RBFOX1: variants seen among roughly 807,000 people sequenced by gnomAD.
RBFOX1 encodes the protein RNA binding protein fox-1 homolog 1.
RBFOX1 carries 8 observed loss-of-function variants against 57.7 expected under a neutral mutation model. The ratio of observed to expected loss-of-function variants is 0.14; its 90% confidence interval spans 0.08 to 0.25. The LOEUF (loss-of-function observed/expected upper bound fraction) is 0.25, where lower values mean the gene tolerates loss of function less well. Among genes scored for constraint, RBFOX1 ranks in the 10% least tolerant of loss-of-function variants. The pLI is 1.00. For missense variants in RBFOX1, 611 were observed against 548.5 expected (o/e 1.11, Z -1.14); for synonymous variants, 326 against 222.4 (o/e 1.47, Z -4.15).
At chr16:7,119,769 G>A (rs569157457) in intron 4 of RBFOX1, among the ~76,000 whole-genome samples, 64 of 152,168 alleles carry the variant, frequency 4.2e-4, no homozygotes, top group African/African-American at 1.5e-3. Context: ...CATAAGTGAA[G>A]TCTGTCTCAC....
chr16:5,337,969 A>C (rs1664139457), intron 1 of RBFOX1, among the ~76,000 whole-genome samples: 1 of 152,188 alleles, frequency 6.6e-6, no homozygotes, highest in East Asian at 1.9e-4. Flanking sequence ...GCTTGAGCCC[A>C]GGAGATTGAG....
chr16:5,408,251 A>G (rs1276747005), intron 1 of RBFOX1, among the ~76,000 whole-genome samples: 2 of 152,224 alleles, frequency 1.3e-5, no homozygotes, highest in Non-Finnish European at 2.9e-5. Context: ...GAAAGGGGCC[A>G]TACAGAGACC....
intron 1 of RBFOX1, among the ~76,000 whole-genome samples, chr16:5,347,205 T>G (rs2065159088): frequency 6.6e-6 from 1 of 152,210 alleles, no homozygotes; most frequent in African/African-American, 2.4e-5. Flanking sequence ...TATGTTTTCC[T>G]TATTTATTAT....
chr16:6,550,481 A>G (rs2096969910), intron 2 of RBFOX1, among the ~76,000 whole-genome samples: 1 of 151,912 alleles, frequency 6.6e-6, no homozygotes, highest in Non-Finnish European at 1.5e-5. Flanking sequence ...GTCTGCCACC[A>G]TGCCCACCTA....
intron 3 of RBFOX1, among the ~76,000 whole-genome samples, chr16:6,732,950 A>T (rs1191492788): frequency 6.6e-6 from 1 of 152,164 alleles, no homozygotes; most frequent in African/African-American, 2.4e-5. Flanking sequence ...ATAAAGTAAG[A>T]GCTACTTTTA....
At chr16:7,707,208 A>C (rs2082740433) in intron 14 of RBFOX1, among the ~76,000 whole-genome samples, 1 of 152,152 alleles carries the variant, frequency 6.6e-6, no homozygotes, top group Non-Finnish European at 1.5e-5. Context: ...TGAGAGTTGG[A>C]AGATGCCCAG....
At chr16:6,193,392 C>CATTATATATATATACTA (rs1555545384) in intron 1 of RBFOX1, among the ~76,000 whole-genome samples, 43 of 43,196 alleles carry the variant, frequency 1.0e-3, no homozygotes, top group Non-Finnish European at 1.5e-3. Context: ...TATATATATA[C>CATTATATATATATACTA]TATATATATA....
intron 4 of RBFOX1, among the ~76,000 whole-genome samples, chr16:7,204,018 TTAAC>T (rs1275567420): frequency 4.6e-5 from 7 of 152,256 alleles, no homozygotes; most frequent in African/African-American, 1.4e-4. Context: ...GTCGCAATCT[TTAAC>T]TAACATTTCG....
At chr16:6,574,776 C>T (rs868440990) in intron 2 of RBFOX1, among the ~76,000 whole-genome samples, 2 of 147,650 alleles carry the variant, frequency 1.4e-5, no homozygotes, top group East Asian at 2.2e-4. Context: ...TGGTGGCTCA[C>T]GCCTGTAATC....
At chr16:6,709,613 A>G (rs1242541416) in intron 3 of RBFOX1, among the ~76,000 whole-genome samples, 4 of 152,172 alleles carry the variant, frequency 2.6e-5, no homozygotes, top group African/African-American at 9.7e-5. Flanking sequence ...AATCTCCCAT[A>G]AGATTGCTCC....
intron 2 of RBFOX1, among the ~76,000 whole-genome samples, chr16:6,373,535 A>G (rs113982550): frequency 3.2e-4 from 48 of 148,518 alleles, no homozygotes; most frequent in African/African-American, 9.2e-4. Context: ...AGGATAGTTC[A>G]TTGGGATCAC....
intron 4 of RBFOX1, among the ~76,000 whole-genome samples, chr16:5,909,797 A>T (rs1194491917): frequency 6.6e-6 from 1 of 152,152 alleles, no homozygotes; most frequent in Non-Finnish European, 1.5e-5. Context: ...CAGGCCTGTA[A>T]TCTCAGCACT....
chr16:5,980,372 G>A (rs566053761), intron 4 of RBFOX1, among the ~76,000 whole-genome samples: 8 of 152,264 alleles, frequency 5.3e-5, no homozygotes, highest in Middle Eastern at 3.4e-3. Context: ...ACTGGTTGTG[G>A]TGAGTTCCGG....
intron 3 of RBFOX1, among the ~76,000 whole-genome samples, chr16:6,763,888 A>T (rs2076971763): frequency 6.6e-6 from 1 of 152,148 alleles, no homozygotes; most frequent in Admixed American, 6.5e-5. Flanking sequence ...GTGCTTGCTT[A>T]TGTTCAGGAA....
At chr16:5,903,739 C>G (rs1356196041) in intron 4 of RBFOX1, among the ~76,000 whole-genome samples, 9 of 152,092 alleles carry the variant, frequency 5.9e-5, no homozygotes, top group African/African-American at 2.2e-4. Flanking sequence ...CTCCTCCCAC[C>G]CCACAAACAC....
chr16:7,190,477 A>G (rs2085098957), intron 4 of RBFOX1, among the ~76,000 whole-genome samples: 1 of 152,136 alleles, frequency 6.6e-6, no homozygotes, highest in Admixed American at 6.5e-5. Flanking sequence ...AGGTATTTTT[A>G]CATATCATCC....
At chr16:7,615,314 T>C (rs1047883697) in intron 10 of RBFOX1, among the ~76,000 whole-genome samples, 10 of 147,692 alleles carry the variant, frequency 6.8e-5, no homozygotes, top group African/African-American at 2.6e-4. Flanking sequence ...GCCTGGGCAA[T>C]AGAGCAAGAC....
At chr16:6,060,459 C>A (rs186573521) in intron 1 of RBFOX1, among the ~76,000 whole-genome samples, 19 of 152,232 alleles carry the variant, frequency 1.2e-4, no homozygotes, top group South Asian at 2.1e-4. Flanking sequence ...GGAGAAGCTT[C>A]CTACAATAAC....
chr16:5,783,942 G>T (rs955162431), intron 3 of RBFOX1, among the ~76,000 whole-genome samples: 2 of 152,126 alleles, frequency 1.3e-5, no homozygotes, highest in Non-Finnish European at 2.9e-5. Flanking sequence ...CCAAGGTTTT[G>T]GTATTAGGAG....
Sources: gnomAD v4.1 joint callset for allele counts (sites outside exome capture counted in the v4.1 genomes callset) on GRCh38, gnomAD v4.1.1 for gene constraint, MANE v1.5 for transcripts, NCBI Gene and HGNC (gene_info 2026-07-23, HGNC 2026-07-21) for gene names.